Variants in SNTG1 observed in about 807,000 individuals in gnomAD.
SNTG1 encodes gamma-1-syntrophin.
In SNTG1, 39 loss-of-function variants were observed where a neutral mutation model predicts 74.7. The ratio of observed to expected loss-of-function variants is 0.52; its 90% CI spans 0.40 to 0.68. The LOEUF (loss-of-function observed/expected upper bound fraction) is 0.68. Among genes scored for constraint, SNTG1 ranks in the 30% least tolerant of loss-of-function variants. The pLI is 0.00. For missense variants in SNTG1, 685 were observed against 609.5 expected (o/e 1.12, Z -1.30); for synonymous variants, 254 against 217.1 (o/e 1.17, Z -1.49).
chr8:50,748,349 G>T (rs1043181249), intron 17 of SNTG1, among the ~76,000 whole-genome samples: 1 of 151,940 alleles, frequency 6.6e-6, no homozygotes, highest in East Asian at 1.9e-4. Context: ...TTTACATTTT[G>T]CTAGGTGAAG....
intron 2 of SNTG1, among the ~76,000 whole-genome samples, chr8:50,209,735 A>C (rs1353508517): frequency 6.6e-6 from 1 of 152,210 alleles, no homozygotes; most frequent in Non-Finnish European, 1.5e-5. Context: ...ACCATCATCA[A>C]AGACCAAAGG....
At chr8:50,637,266 T>G (rs1212418944) in intron 13 of SNTG1, among the ~76,000 whole-genome samples, 3 of 152,164 alleles carry the variant, frequency 2.0e-5, no homozygotes, top group South Asian at 2.1e-4. Flanking sequence ...TAAAATTTTC[T>G]TGTTATACAA....
intron 1 of SNTG1, among the ~76,000 whole-genome samples, chr8:50,151,306 T>G (rs1316034970): frequency 6.6e-6 from 1 of 152,212 alleles, no homozygotes; most frequent in Non-Finnish European, 1.5e-5. Flanking sequence ...CTTTCATTTA[T>G]TCTTTATTAG....
At chr8:50,573,761 T>G (rs2094561744) in intron 12 of SNTG1, among the ~76,000 whole-genome samples, 1 of 151,886 alleles carries the variant, frequency 6.6e-6, no homozygotes, top group Non-Finnish European at 1.5e-5. Context: ...TTTAAAATCA[T>G]AGTTCCAGTA....
intron 15 of SNTG1, among the ~76,000 whole-genome samples, chr8:50,693,988 C>T (rs896027375): frequency 6.6e-6 from 1 of 152,060 alleles, no homozygotes; most frequent in African/African-American, 2.4e-5. Context: ...ATATCAACAA[C>T]CACCTACATT....
chr8:50,372,218 G>C (rs754647768), intron 2 of SNTG1, among the ~76,000 whole-genome samples: 7 of 133,736 alleles, frequency 5.2e-5, no homozygotes, highest in African/African-American at 7.7e-5. Context: ...ATCTTTCTCT[G>C]TGTGTGTGTG....
At chr8:50,429,678 A>G (rs886525830) in intron 4 of SNTG1, among the ~76,000 whole-genome samples, 2 of 152,174 alleles carry the variant, frequency 1.3e-5, no homozygotes, top group East Asian at 3.9e-4. Flanking sequence ...TTCAAATAAC[A>G]CTATCAATAC....
chr8:50,595,792 G>A (rs1165919177), intron 13 of SNTG1, among the ~76,000 whole-genome samples: 10 of 151,790 alleles, frequency 6.6e-5, no homozygotes, highest in South Asian at 4.2e-4. Flanking sequence ...ATTTAGCAGC[G>A]TGCATCAATC....
chr8:50,075,188 G>C (rs1273457778), intron 1 of SNTG1, among the ~76,000 whole-genome samples: 1 of 152,178 alleles, frequency 6.6e-6, no homozygotes, highest in Non-Finnish European at 1.5e-5. Flanking sequence ...CTCCCCAATG[G>C]GAGCTGTCCC....
At chr8:50,156,276 G>A (rs906815033) in intron 1 of SNTG1, among the ~76,000 whole-genome samples, 128 of 152,096 alleles carry the variant, frequency 8.4e-4, no homozygotes, top group African/African-American at 3.0e-3. Flanking sequence ...TTTGTTGTAC[G>A]AAATCAGTAT....
chr8:50,244,387 T>C (rs1262457482), intron 2 of SNTG1, among the ~76,000 whole-genome samples: 1 of 152,106 alleles, frequency 6.6e-6, no homozygotes, highest in East Asian at 1.9e-4. Context: ...TTTCACTGTG[T>C]CAACAGGCTC....
chr8:50,296,497 G>T (rs541985300), intron 2 of SNTG1, among the ~76,000 whole-genome samples: 1 of 152,218 alleles, frequency 6.6e-6, no homozygotes, highest in African/African-American at 2.4e-5. Flanking sequence ...ATCATTCTCA[G>T]CAAGCTAACA....
At chr8:50,571,027 A>T (rs2130761316) in intron 12 of SNTG1, among the ~76,000 whole-genome samples, 1 of 152,200 alleles carries the variant, frequency 6.6e-6, no homozygotes, top group South Asian at 2.1e-4. Flanking sequence ...ATCTGTCATA[A>T]TAAAATGGAG....
intron 12 of SNTG1, among the ~76,000 whole-genome samples, chr8:50,582,875 A>T (rs971024141): frequency 1.3e-5 from 2 of 152,194 alleles, no homozygotes; most frequent in African/African-American, 4.8e-5. Context: ...AAGATAGAAA[A>T]ATACAGAATT....
chr8:50,256,630 T>G (rs1176022672), intron 2 of SNTG1, among the ~76,000 whole-genome samples: 2 of 152,066 alleles, frequency 1.3e-5, no homozygotes, highest in Non-Finnish European at 2.9e-5. Flanking sequence ...TTTAACATGT[T>G]TAATAAATAT....
chr8:50,487,802 A>T (rs1246953971), intron 8 of SNTG1, among the ~76,000 whole-genome samples: 1 of 151,692 alleles, frequency 6.6e-6, no homozygotes, highest in Non-Finnish European at 1.5e-5. Context: ...TAACCTGCAC[A>T]ATGTGCACAT....
chr8:50,594,538 TGAC>T (rs775530987), intron 13 of SNTG1, among the ~76,000 whole-genome samples: 2 of 152,094 alleles, frequency 1.3e-5, no homozygotes, highest in African/African-American at 4.8e-5. Flanking sequence ...ATAGAAATAT[TGAC>T]ATTTGACGAA....
intron 2 of SNTG1, among the ~76,000 whole-genome samples, chr8:50,309,070 T>G (rs561902326): frequency 2.6e-5 from 4 of 152,186 alleles, no homozygotes; most frequent in Admixed American, 6.5e-5. Flanking sequence ...AGCTAATACT[T>G]AGAAGAAATA....
chr8:50,472,919 A>G (rs540255126), intron 8 of SNTG1, among the ~76,000 whole-genome samples: 4 of 152,106 alleles, frequency 2.6e-5, no homozygotes, highest in South Asian at 2.1e-4. Flanking sequence ...CCAAAAAAAC[A>G]TATGAAAAAA....
Sources: allele counts gnomAD v4.1 joint callset (sites outside exome capture counted in the v4.1 genomes callset), GRCh38; gene constraint gnomAD v4.1.1; transcripts MANE v1.5; gene names NCBI Gene and HGNC (gene_info 2026-07-23, HGNC 2026-07-21).